TTLL8: variants seen among roughly 807,000 people sequenced by gnomAD.
TTLL8 encodes the protein protein monoglycylase TTLL8.
In TTLL8, 65 loss-of-function variants were observed where a neutral mutation model predicts 77.8. That is an observed-to-expected ratio of 0.84 (90% CI 0.68 to 1.03). The LOEUF (loss-of-function observed/expected upper bound fraction) is 1.03, where lower values mean the gene tolerates loss of function less well. Ranked by LOEUF, TTLL8 falls within the 50% of genes least tolerant of loss-of-function variation. The probability of loss-of-function intolerance (pLI) is 0.00; values close to 1 mark genes in which losing one functional copy is unlikely to be tolerated. For synonymous variants in TTLL8, 402 were observed against 422.8 expected, an observed-to-expected ratio of 0.95 and a Z score of 0.60; for missense variants, 910 against 1,004.5, an observed-to-expected ratio of 0.91 and a Z score of 1.27.
chr22:50,027,751 C>T, intron 12 of TTLL8: 2 of 985,438 alleles, frequency 2.0e-6, no homozygotes, highest in Non-Finnish European at 2.4e-6. Flanking sequence ...GCCTGACTGT[C>T]ACGGAACAAA....
Position 50,050,073 on chromosome 22 carries a change from C to A in TTLL8, c.190+36G>T, listed in dbSNP as rs199955966. On this transcript the variant is annotated intron_variant, in intron 2 of 13. Transcript: ENST00000266182. Reference sequence around the variant, plus strand: ...TCCTCCTGCCCGTGACAGACGCACACGCCCTGAGCTGAGACGTGCGCCTCC... The same window carrying A: ...TCCTCCTGCCCGTGACAGACGCACAAGCCCTGAGCTGAGACGTGCGCCTCC... The A allele has an allele frequency of 1.6e-5, 22 of 1,360,526 alleles. 2 individuals are homozygous for A. In the South Asian group the frequency reaches 2.5e-4, roughly 16 times the overall value. 84.3% of individuals were successfully genotyped at this position (1,360,526 alleles called of 1,614,324 possible). A position where few individuals can be genotyped will look rare whatever the true frequency, so the allele number is the denominator to read the frequency against.
exon 10 of TTLL8, chr22:50,033,278 G>A: frequency 7.3e-7 from 1 of 1,362,568 alleles, no homozygotes; most frequent in Non-Finnish European, 9.8e-7. Flanking sequence ...ATGGTCAGGG[G>A]GTTCCAGTCC....
At chr22:50,030,379 T>A in intron 12 of TTLL8, 51 bp downstream of exon 13, 1 of 1,256,382 alleles carries the variant, frequency 8.0e-7, no homozygotes, top group South Asian at 1.4e-5. Context: ...GGGTTGGGGA[T>A]GCAGCAGGCG....
Position 50,041,371 on chromosome 22 carries a change from G to T in TTLL8, c.831-94C>A. ...CCCCGACACCCATAAGGCACCCCAA[G>T]ATCCAGACAGACACCCCAATACCCA... On this transcript the variant is annotated intron_variant, in intron 7 of 13. Transcript: ENST00000266182. The surrounding 1 kb of genome is among the most constrained non-coding windows in gnomAD (Gnocchi z 4.3). 2.7e-6 allele frequency: 2 copies of T among 742,452 alleles called. No individual in the cohort carries two copies. The highest frequency in any genetic ancestry group is 4.1e-6 in the Non-Finnish European group (2 of 482,052). 46.0% of individuals were successfully genotyped at this position (742,452 alleles called of 1,614,324 possible).
At chr22:50,024,954 C>T (rs908649050) in intron 12 of TTLL8, among the ~76,000 whole-genome samples, 1 of 152,178 alleles carries the variant, frequency 6.6e-6, no homozygotes, top group Non-Finnish European at 1.5e-5. Context: ...AGGTTATGTT[C>T]TGAGTGTTTT....
chr22:50,053,911 G>A lies in TTLL8; in HGVS notation c.51+665C>T, dbSNP rs189748994. Among the ~76,000 whole-genome samples, 1,146 of 141,034 alleles carry A rather than the reference G, an allele frequency of 8.1e-3. 11 individuals carry two copies. The highest frequency in any genetic ancestry group is 0.028 in the African/African-American group (1,083 of 38,806). The allele number at this position is 141,034 out of a possible 152,430, so 92.5% of individuals were successfully genotyped here. A position where few individuals can be genotyped will look rare whatever the true frequency, so the allele number is the denominator to read the frequency against. On this transcript the variant is annotated intron_variant, in intron 1 of 13. Transcript: ENST00000266182. The stretch of plus-strand genomic sequence containing the variant: ...GGGTGTGTCCGGCCGTAACATCACC[G>A]TGCCGTGCACCTGCAGTCTGCACAT...
intron 5 of TTLL8, 88 bp from the exon 8 acceptor site, chr22:50,045,477 C>A: frequency 8.4e-7 from 1 of 1,189,746 alleles, no homozygotes. Context: ...CTCCCCAACC[C>A]GCCCCACTTC....
At chr22:50,056,834 G>A (rs559808293), upstream of TTLL8, 259 of 1,289,644 alleles carry the variant, frequency 2.0e-4, 2 homozygotes, top group South Asian at 2.7e-3. This position sits in a 1 kb window ranked among gnomAD's most constrained non-coding sequence, Gnocchi z 4.1. Context: ...CACTCTGGGC[G>A]AGTGGCTGGC....
upstream of TTLL8, among the ~76,000 whole-genome samples, chr22:50,055,578 C>A (rs560646716): frequency 6.6e-6 from 1 of 151,444 alleles, no homozygotes; most frequent in Non-Finnish European, 1.5e-5. Flanking sequence ...TCGCTTGAAT[C>A]CAGGAGGCGG....
Position 50,026,151 on chromosome 22 carries a change from C to T in TTLL8, c.2203+4279G>A, listed in dbSNP as rs554635032. On this transcript the variant is annotated intron_variant, in intron 12 of 13. Transcript: ENST00000266182. ...AGCTGTCCGTCAGCAGGGGACCAGG[C>T]GGGCTCTGGCACATGTGTGCAATGC... Among the ~76,000 whole-genome samples the T allele has an allele frequency of 3.9e-5, 6 of 152,302 alleles. No homozygotes were observed. The East Asian group carries it at 5.8e-4, about 15-fold the overall frequency.
chr22:50,038,271 T>C (rs2061349182), intron 8 of TTLL8, among the ~76,000 whole-genome samples: 1 of 152,116 alleles, frequency 6.6e-6, no homozygotes, highest in South Asian at 2.1e-4. Flanking sequence ...ATTTAAATTA[T>C]TTAAATATTA....
chr22:50,030,049 C>T, intron 12 of TTLL8: 8 of 633,726 alleles, frequency 1.3e-5, no homozygotes, highest in Non-Finnish European at 1.4e-5. Context: ...CCCGCGGTCA[C>T]TTTGGCCCCT....
At chr22:50,057,419 T>A (rs1381560145), upstream of TTLL8, among the ~76,000 whole-genome samples, 1 of 33,054 alleles carries the variant, frequency 3.0e-5, no homozygotes, top group African/African-American at 1.3e-4. Flanking sequence ...GCGGGAGGTC[T>A]GGGTTGGGGG....
At chr22:50,049,263 T>C (rs374142103) in exon 3 of TTLL8, 14 of 1,367,602 alleles carry the variant, frequency 1.0e-5, no homozygotes, top group Non-Finnish European at 1.4e-5. Flanking sequence ...ACGTCGTGGA[T>C]GTTGTCTGTT....
chr22:50,045,209 C>A, intron 6 of TTLL8, 46 bp downstream of exon 8: 1 of 1,327,842 alleles, frequency 7.5e-7, no homozygotes. Context: ...CTGTGGAGGC[C>A]CCGAGCTCTG....
intron 12 of TTLL8, among the ~76,000 whole-genome samples, chr22:50,019,245 GAGA>G (rs1383804507): frequency 3.9e-5 from 6 of 152,134 alleles, no homozygotes; most frequent in East Asian, 1.9e-4. Context: ...ACCAAAATGA[GAGA>G]AGAAGCGTCA....
chr22:50,054,195 G>A (rs1462960696), intron 1 of TTLL8, among the ~76,000 whole-genome samples: 1 of 152,144 alleles, frequency 6.6e-6, no homozygotes, highest in African/African-American at 2.4e-5. Context: ...CAGGCCTTCT[G>A]AGCAGTGGAA....
At chr22:50,051,251 T>C (rs966329657) in intron 1 of TTLL8, among the ~76,000 whole-genome samples, 2 of 152,284 alleles carry the variant, frequency 1.3e-5, no homozygotes, top group Non-Finnish European at 2.9e-5. Context: ...CTTTGCATCC[T>C]CATAGCTTAG....
intron 3 of TTLL8, among the ~76,000 whole-genome samples, chr22:50,048,327 C>T (rs375057785): frequency 5.8e-4 from 88 of 152,274 alleles, no homozygotes; most frequent in African/African-American, 2.1e-3. Context: ...TCCTCATCCC[C>T]AGGGCGATGG....
Sources: allele counts gnomAD v4.1 joint callset (sites outside exome capture counted in the v4.1 genomes callset), GRCh38; gene constraint gnomAD v4.1.1; non-coding constraint Gnocchi (gnomAD v3.1); transcripts MANE v1.5; gene names NCBI Gene and HGNC (gene_info 2026-07-23, HGNC 2026-07-21).